Variants in YES1 observed in about 807,000 individuals in gnomAD.
YES1 encodes YES proto-oncogene 1, Src family tyrosine kinase.
Under a neutral mutation model 70.4 loss-of-function variants are expected in YES1, and 39 were observed. The observed-to-expected ratio is 0.55, with a 90% CI of 0.43 to 0.72. The LOEUF (loss-of-function observed/expected upper bound fraction) is 0.72, where lower values mean the gene tolerates loss of function less well. YES1 is among the 30% of genes least tolerant of loss of function. The pLI, the probability that YES1 is intolerant of heterozygous loss-of-function variation, is 0.00. For missense variants in YES1, 495 were observed against 644.8 expected (o/e 0.77, Z 2.52); for synonymous variants, 198 against 218.6 (o/e 0.91, Z 0.83).
At chr18:792,469 C>T (rs1906301239) in intron 1 of YES1, among the ~76,000 whole-genome samples, 1 of 151,388 alleles carries the variant, frequency 6.6e-6, no homozygotes. Flanking sequence ...CTGTAGTGTG[C>T]CATAGTCACA....
chr18:776,225 C>T lies in YES1; in HGVS notation c.-8-19390G>A, dbSNP rs567097012. Among the ~76,000 whole-genome samples the T allele has an allele frequency of 3.8e-4, 58 of 151,420 alleles. 2 individuals are homozygous for T. The highest frequency in any genetic ancestry group is 1.4e-3 in the African/African-American group (57 of 41,202). ...TTTTTTTTTTTTGAGATGGAGTCTC[C>T]CTCTGTCGCCCAGGCTGGAGTGCAG... On this transcript the variant is annotated intron_variant, in intron 1 of 11. Coordinates refer to ENST00000314574, the MANE Select transcript of YES1 (RefSeq NM_005433.4).
chr18:770,193 C>T (rs1905089119), intron 1 of YES1, among the ~76,000 whole-genome samples: 2 of 151,470 alleles, frequency 1.3e-5, no homozygotes, highest in South Asian at 2.1e-4. Context: ...CTCCTGACGT[C>T]GTGATCTGCC....
chr18:804,148 C>T (rs1289135606), intron 1 of YES1, among the ~76,000 whole-genome samples: 1 of 152,164 alleles, frequency 6.6e-6, no homozygotes, highest in Non-Finnish European at 1.5e-5. Flanking sequence ...ACAAGTTGTC[C>T]ATACCTTTGT....
chr18:785,491 G>A (rs1369776095), intron 1 of YES1, among the ~76,000 whole-genome samples: 3 of 152,150 alleles, frequency 2.0e-5, no homozygotes, highest in South Asian at 2.1e-4. Flanking sequence ...GGAGAGAGAA[G>A]CACTATAAAA....
At position 724,392 on chromosome 18, in the gene YES1, C is replaced by T; in HGVS notation, c.*32G>A. ...TCTACACAAGTTCTTTATATTTTGG[C>T]AGATTTGTGCATATAAAATAGGCTA... On this transcript the variant is annotated 3_prime_UTR_variant, in exon 12 of 12. Transcript: ENST00000314574. 1.3e-6 allele frequency: 2 copies of T among 1,571,660 alleles called. No individual in the cohort carries two copies. Among genetic ancestry groups the T allele is most frequent in the Non-Finnish European group, 1.7e-6 (2 of 1,148,392 alleles).
intron 1 of YES1, among the ~76,000 whole-genome samples, chr18:793,171 G>C (rs8092541): frequency 0.63 from 94,979 of 151,410 alleles, 30,945 homozygotes; most frequent in African/African-American, 0.82. Context: ...TCCCAAGTAG[G>C]TGGGACTACA....
At chr18:739,898 A>C in intron 8 of YES1, 87 bp from the exon 9 acceptor site, 4 of 959,974 alleles carry the variant, frequency 4.2e-6, no homozygotes, top group East Asian at 2.7e-5. Context: ...AAATCACAAC[A>C]CAAAACTTCT....
intron 1 of YES1, among the ~76,000 whole-genome samples, chr18:810,226 G>A (rs926587027): frequency 6.6e-6 from 1 of 151,940 alleles, no homozygotes. Context: ...TTACACCATC[G>A]GTTGGTAATA....
intron 1 of YES1, among the ~76,000 whole-genome samples, chr18:800,684 A>G (rs1356629059): frequency 6.6e-6 from 1 of 152,252 alleles, no homozygotes; most frequent in Non-Finnish European, 1.5e-5. Flanking sequence ...CAGTGGCAAA[A>G]GAGTGGCAAA....
chr18:722,502 T>C lies in YES1; in HGVS notation c.*1922A>G, dbSNP rs1410268304. On this transcript the variant is annotated 3_prime_UTR_variant, in exon 12 of 12. Transcript: ENST00000314574. ...TAGAGGGGCCTAATATAAGGCTTAATTTAAAGTGTGACTATATGAGAGTAT... is the reference window on the plus strand; with the variant it reads ...TAGAGGGGCCTAATATAAGGCTTAACTTAAAGTGTGACTATATGAGAGTAT... 1 of 151,776 alleles carries C rather than the reference T, an allele frequency of 6.6e-6. No homozygotes were observed. Among genetic ancestry groups the C allele is most frequent in the Non-Finnish European group, 1.5e-5 (1 of 68,034 alleles). The allele number at this position is 151,776 out of a possible 1,614,324, so 9.4% of individuals were successfully genotyped here. A position where few individuals can be genotyped will look rare whatever the true frequency, so the allele number is the denominator to read the frequency against.
intron 1 of YES1, among the ~76,000 whole-genome samples, chr18:771,740 G>A (rs1905166745): frequency 6.6e-6 from 1 of 152,086 alleles, no homozygotes; most frequent in African/African-American, 2.4e-5. Context: ...TGTAGAGATA[G>A]GGCTTTGTCA....
intron 1 of YES1, among the ~76,000 whole-genome samples, chr18:768,145 C>A (rs1055132479): frequency 6.6e-6 from 1 of 152,196 alleles, no homozygotes; most frequent in Admixed American, 6.5e-5. Context: ...CAGGCTCAGA[C>A]AATACGCACA....
At chr18:757,812 ACT>A (rs962387267) in intron 1 of YES1, among the ~76,000 whole-genome samples, 46 of 151,922 alleles carry the variant, frequency 3.0e-4, no homozygotes, top group African/African-American at 1.1e-3. Flanking sequence ...ACAGAGTAAG[ACT>A]CTGTCTCAAA....
chr18:756,059 G>A (rs1423947176), intron 2 of YES1, among the ~76,000 whole-genome samples: 1 of 152,050 alleles, frequency 6.6e-6, no homozygotes, highest in East Asian at 1.9e-4. Flanking sequence ...TGTGACTTGG[G>A]GGAAAATTTT....
intron 9 of YES1, chr18:738,364 TACC>T (rs1430791987): frequency 6.6e-6 from 1 of 152,188 alleles, no homozygotes; most frequent in Non-Finnish European, 1.5e-5. Flanking sequence ...ACTGTATATA[TACC>T]ATCTTAATTC....
chr18:734,954 T>C (rs1169166476), intron 10 of YES1, among the ~76,000 whole-genome samples: 1 of 152,068 alleles, frequency 6.6e-6, no homozygotes, highest in Non-Finnish European at 1.5e-5. Context: ...GGTCAGGAGT[T>C]TGAGACCAGC....
At chr18:788,431 T>C (rs1906075351) in intron 1 of YES1, among the ~76,000 whole-genome samples, 1 of 152,204 alleles carries the variant, frequency 6.6e-6, no homozygotes, top group South Asian at 2.1e-4. Context: ...TTGTTTAAAA[T>C]ATGTACATAA....
chr18:756,029 G>T (rs2080401948), intron 2 of YES1, among the ~76,000 whole-genome samples: 1 of 152,102 alleles, frequency 6.6e-6, no homozygotes, highest in East Asian at 1.9e-4. Context: ...CAATAAATCT[G>T]AGCTCTCCTA....
chr18:791,318 A>C (rs919579037), intron 1 of YES1, among the ~76,000 whole-genome samples: 3 of 152,168 alleles, frequency 2.0e-5, no homozygotes, highest in Non-Finnish European at 4.4e-5. Context: ...AAAACGTCCC[A>C]GGCATCATGC....
Sources: gnomAD v4.1 joint callset for allele counts (sites outside exome capture counted in the v4.1 genomes callset) on GRCh38, gnomAD v4.1.1 for gene constraint, MANE v1.5 for transcripts, NCBI Gene and HGNC (gene_info 2026-07-23, HGNC 2026-07-21) for gene names.